The following BMPR1B variants were observed in gnomAD, a reference collection of about 807,000 sequenced individuals.
BMPR1B encodes the protein bone morphogenetic protein receptor type 1B.
BMPR1B carries 12 observed loss-of-function variants against 59.1 expected under a neutral mutation model. The observed-to-expected ratio is 0.20, with a 90% CI of 0.13 to 0.33. The LOEUF is 0.33. Among genes scored for constraint, BMPR1B ranks in the 10% least tolerant of loss-of-function variants. BMPR1B has a pLI of 1.00. For missense variants in BMPR1B, 550 were observed against 610.9 expected (o/e 0.90, Z 1.05); for synonymous variants, 237 against 207.3 (o/e 1.14, Z -1.23).
At chr4:94,971,773 A>G (rs1041555454) in intron 2 of BMPR1B, among the ~76,000 whole-genome samples, 4 of 152,018 alleles carry the variant, frequency 2.6e-5, no homozygotes, top group Non-Finnish European at 5.9e-5. Flanking sequence ...GTTTATGACC[A>G]TGAAATTGGA....
At chr4:95,109,585 C>A (rs192583253) in intron 4 of BMPR1B, among the ~76,000 whole-genome samples, 1 of 152,008 alleles carries the variant, frequency 6.6e-6, no homozygotes. Context: ...ATTTTTTCCA[C>A]GGTTGCCCAG....
chr4:94,882,635 C>A (rs1219818236), intron 2 of BMPR1B, among the ~76,000 whole-genome samples: 1 of 152,124 alleles, frequency 6.6e-6, no homozygotes, highest in Non-Finnish European at 1.5e-5. Context: ...ACAGGTTAAT[C>A]CAGCTAGAAT....
At chr4:94,765,265 T>C (rs1721925832) in intron 1 of BMPR1B, among the ~76,000 whole-genome samples, 1 of 152,308 alleles carries the variant, frequency 6.6e-6, no homozygotes, top group South Asian at 2.1e-4. Context: ...AGAATTTTCT[T>C]ATGCATTACT....
At chr4:94,870,017 T>C (rs1726415656) in intron 1 of BMPR1B, among the ~76,000 whole-genome samples, 1 of 152,176 alleles carries the variant, frequency 6.6e-6, no homozygotes, top group African/African-American at 2.4e-5. Context: ...AGTCAGTAGA[T>C]TTACAAAGTT....
intron 1 of BMPR1B, among the ~76,000 whole-genome samples, chr4:94,832,844 G>C (rs1355873847): frequency 6.6e-6 from 1 of 151,998 alleles, no homozygotes; most frequent in East Asian, 1.9e-4. Context: ...CTAAAGTCAC[G>C]CTGCATGGGT....
chr4:94,869,513 A>G (rs1017158258), intron 1 of BMPR1B, among the ~76,000 whole-genome samples: 1 of 152,226 alleles, frequency 6.6e-6, no homozygotes, highest in East Asian at 1.9e-4. Context: ...TTCAGATAAC[A>G]TGTATCTTCA....
At chr4:94,864,278 C>T (rs979702058) in intron 1 of BMPR1B, among the ~76,000 whole-genome samples, 12 of 151,966 alleles carry the variant, frequency 7.9e-5, no homozygotes, top group East Asian at 5.8e-4. Context: ...TAACCTGTCC[C>T]GTTTCAGATT....
chr4:94,927,068 T>G (rs959245255), intron 2 of BMPR1B, among the ~76,000 whole-genome samples: 2 of 152,166 alleles, frequency 1.3e-5, no homozygotes, highest in East Asian at 3.9e-4. Context: ...ACTGGTGAAC[T>G]CAGATGATCT....
chr4:94,940,541 A>G (rs1729472603), intron 2 of BMPR1B, among the ~76,000 whole-genome samples: 1 of 152,210 alleles, frequency 6.6e-6, no homozygotes, highest in Admixed American at 6.5e-5. Context: ...ATTGTTGAAC[A>G]TTGTGAACAC....
At chr4:94,901,928 A>G (rs1727823669) in intron 2 of BMPR1B, among the ~76,000 whole-genome samples, 1 of 151,832 alleles carries the variant, frequency 6.6e-6, no homozygotes, top group Non-Finnish European at 1.5e-5. Flanking sequence ...GAGTATAGCA[A>G]AGATTAGACA....
chr4:94,833,192 C>CAAAAAAA (rs60473542), intron 1 of BMPR1B, among the ~76,000 whole-genome samples: 1 of 133,030 alleles, frequency 7.5e-6, no homozygotes, highest in African/African-American at 2.8e-5. Context: ...GACTCTTTCT[C>CAAAAAAA]AAAAAAAAAA....
At chr4:95,150,524 T>A (rs1453787904) in intron 11 of BMPR1B, among the ~76,000 whole-genome samples, 2 of 151,962 alleles carry the variant, frequency 1.3e-5, no homozygotes, top group Non-Finnish European at 2.9e-5. Context: ...TAAGATAGCT[T>A]TATGGAAGTT....
At chr4:94,856,697 G>C (rs1374979819) in intron 1 of BMPR1B, among the ~76,000 whole-genome samples, 2 of 152,136 alleles carry the variant, frequency 1.3e-5, no homozygotes, top group Non-Finnish European at 2.9e-5. Flanking sequence ...AGGGCATAAT[G>C]GGCAGGCCAA....
chr4:95,130,013 A>T lies in BMPR1B; in HGVS notation c.737A>T (p.Glu246Val), dbSNP rs779737736. Reference sequence around the variant, plus strand: ...GAAGCCAGCTGGTTCAGAGAGACAGAAATATATCAGACAGTGTTGATGAGG... The same window carrying T: ...GAAGCCAGCTGGTTCAGAGAGACAGTAATATATCAGACAGTGTTGATGAGG... ...TEEASWFRET[E>V]IYQTVLMRHE... is the part of the protein sequence containing the mutation. Residue 246 changes from glutamate to valine, a missense_variant, in exon 9 of 13, where the codon GAA becomes GTA. This residue lies in a region of BMPR1B where 318 missense variants were observed against 284.6 expected (regional missense o/e 1.12). Transcript: ENST00000515059. 6.2e-7 allele frequency: 1 copy of T among 1,613,966 alleles called. No individual in the cohort carries two copies.
At chr4:95,109,192 T>G (rs754145960) in intron 4 of BMPR1B, among the ~76,000 whole-genome samples, 1 of 152,166 alleles carries the variant, frequency 6.6e-6, no homozygotes, top group Non-Finnish European at 1.5e-5. Flanking sequence ...TCTTTAATAC[T>G]TCTTTACTTA....
At chr4:94,806,931 T>C (rs1216707853) in intron 1 of BMPR1B, among the ~76,000 whole-genome samples, 3 of 152,044 alleles carry the variant, frequency 2.0e-5, no homozygotes, top group Non-Finnish European at 4.4e-5. Context: ...TTTTTCTTAT[T>C]AAAGATATTT....
intron 1 of BMPR1B, among the ~76,000 whole-genome samples, chr4:94,817,753 G>C (rs373648178): frequency 6.6e-6 from 1 of 152,280 alleles, no homozygotes; most frequent in South Asian, 2.1e-4. Flanking sequence ...TGGGAAGGGC[G>C]ATGGTTTCCC....
intron 8 of BMPR1B, among the ~76,000 whole-genome samples, chr4:95,125,371 G>C (rs1732834487): frequency 6.6e-6 from 1 of 152,174 alleles, no homozygotes; most frequent in Non-Finnish European, 1.5e-5. Flanking sequence ...GAGCAGATTA[G>C]AAAACATTAA....
At chr4:95,114,334 ACAGTAGTGCTAC>A (rs1328257360) in intron 4 of BMPR1B, among the ~76,000 whole-genome samples, 1 of 152,136 alleles carries the variant, frequency 6.6e-6, no homozygotes, top group African/African-American at 2.4e-5. Flanking sequence ...ATAGAAAGCA[ACAGTAGTGCTAC>A]CTTCCTCACA....
Sources: allele counts gnomAD v4.1 joint callset (sites outside exome capture counted in the v4.1 genomes callset), GRCh38; gene constraint gnomAD v4.1.1; regional missense constraint gnomAD v4.1.1; transcripts MANE v1.5; gene names NCBI Gene and HGNC (gene_info 2026-07-23, HGNC 2026-07-21).